Variants in KANK1 observed in about 807,000 individuals in gnomAD.
KANK1 encodes the protein KN motif and ankyrin repeat domains 1.
KANK1 carries 109 observed loss-of-function variants against 106.2 expected under a neutral mutation model. That is an observed-to-expected ratio of 1.03 (90% CI 0.88 to 1.20). KANK1 has a LOEUF of 1.20. KANK1 is among the 50% of genes most tolerant of loss of function. KANK1 has a pLI of 0.00. For missense variants in KANK1, 2,399 were observed against 1,710.7 expected, an observed-to-expected ratio of 1.40 and a Z score of -7.10; for synonymous variants, 873 against 652.2, an observed-to-expected ratio of 1.34 and a Z score of -5.16.
chr9:473,013 G>A (rs2058047657), intron 2 of KANK1, among the ~76,000 whole-genome samples: 1 of 152,230 alleles, frequency 6.6e-6, no homozygotes, highest in Non-Finnish European at 1.5e-5. Context: ...TGACAAACGG[G>A]TATAGTCATG....
intron 7 of KANK1, 125 bp from the exon 8 acceptor site, chr9:738,160 T>G (rs1025432808): frequency 1.3e-5 from 10 of 763,804 alleles, no homozygotes; most frequent in Admixed American, 2.7e-5. Context: ...GCTGTTGGTT[T>G]TTGAGAGCAG....
chr9:739,465 T>G (rs1268205625), intron 8 of KANK1, among the ~76,000 whole-genome samples: 3 of 152,220 alleles, frequency 2.0e-5, no homozygotes, highest in African/African-American at 7.2e-5. Context: ...TTCCTTTCTC[T>G]TATAAGTGTG....
chr9:642,544 A>G lies in KANK1; in HGVS notation c.-83-34346A>G, dbSNP rs562837835. On this transcript the variant is annotated intron_variant, in intron 1 of 11. Coordinates refer to ENST00000382297, the MANE Select transcript of KANK1 (RefSeq NM_015158.5). ...ACTTTTGTAAATTTCCTGTAGAAAA[A>G]TTCTTGGTTCTTGGACACACTCAGC... Among the ~76,000 whole-genome samples the G allele has an allele frequency of 2.2e-4, 33 of 150,908 alleles. 1 individual carries two copies. The highest frequency in any genetic ancestry group is 3.7e-4 in the Non-Finnish European group (25 of 68,016).
chr9:517,767 C>G (rs2059353142), intron 1 of KANK1, among the ~76,000 whole-genome samples: 1 of 139,596 alleles, frequency 7.2e-6, no homozygotes, highest in South Asian at 2.2e-4. Flanking sequence ...GAGACAGAGT[C>G]TCGCTCTGTC....
chr9:695,842 CA>C (rs1821130417), intron 2 of KANK1, among the ~76,000 whole-genome samples: 1 of 152,174 alleles, frequency 6.6e-6, no homozygotes, highest in Non-Finnish European at 1.5e-5. Context: ...GATTCAAACC[CA>C]GGCAGTCTGG....
chr9:609,601 G>T (rs1449919125), intron 1 of KANK1, among the ~76,000 whole-genome samples: 2 of 152,120 alleles, frequency 1.3e-5, no homozygotes, highest in East Asian at 3.9e-4. Context: ...CTGTACTCCA[G>T]CCTGGGTGAC....
At chr9:532,312 G>T (rs1305596608) in intron 1 of KANK1, among the ~76,000 whole-genome samples, 2 of 144,938 alleles carry the variant, frequency 1.4e-5, no homozygotes, top group Admixed American at 7.0e-5. Flanking sequence ...CACCATCTCG[G>T]CTCACCGCAA....
At chr9:592,194 C>T (rs906632220) in intron 1 of KANK1, among the ~76,000 whole-genome samples, 1 of 151,800 alleles carries the variant, frequency 6.6e-6, no homozygotes, top group Non-Finnish European at 1.5e-5. Flanking sequence ...CAGCCAAATT[C>T]TCTTACCTGG....
chr9:504,202 C>T (rs1010159325), upstream of KANK1, among the ~76,000 whole-genome samples: 3 of 152,190 alleles, frequency 2.0e-5, no homozygotes, highest in African/African-American at 7.2e-5. Context: ...GATGGGAGCA[C>T]CGCACCGTCT....
intron 1 of KANK1, among the ~76,000 whole-genome samples, chr9:615,761 T>C (rs1011901417): frequency 6.6e-6 from 1 of 152,324 alleles, no homozygotes. Context: ...CTCTTTGACA[T>C]TTAAAGACAG....
At chr9:517,940 A>G (rs2059363593) in intron 1 of KANK1, among the ~76,000 whole-genome samples, 1 of 151,110 alleles carries the variant, frequency 6.6e-6, no homozygotes. Context: ...GTTTCACATT[A>G]TTGGCCGGGC....
intron 9 of KANK1, among the ~76,000 whole-genome samples, chr9:741,447 C>G (rs535113985): frequency 2.0e-5 from 3 of 150,346 alleles, no homozygotes; most frequent in Admixed American, 6.6e-5. Flanking sequence ...CTTAGCCTCC[C>G]GAGTAGCAGG....
chr9:527,559 G>A (rs142998255), intron 1 of KANK1, among the ~76,000 whole-genome samples: 71 of 151,644 alleles, frequency 4.7e-4, no homozygotes, highest in Non-Finnish European at 7.8e-4. Flanking sequence ...CCTCTGCCTC[G>A]CAGAGTGCTG....
At chr9:535,717 G>C (rs1265825064) in intron 1 of KANK1, among the ~76,000 whole-genome samples, 3 of 152,210 alleles carry the variant, frequency 2.0e-5, no homozygotes, top group Non-Finnish European at 4.4e-5. Flanking sequence ...ATGGGCTGTA[G>C]AATCATGGTA....
At chr9:530,537 G>A (rs1481978350) in intron 1 of KANK1, among the ~76,000 whole-genome samples, 1 of 152,026 alleles carries the variant, frequency 6.6e-6, no homozygotes, top group Non-Finnish European at 1.5e-5. Context: ...CTTGACTTCT[G>A]TTGTGTTGCT....
At chr9:745,044 C>A (rs906985737) in intron 11 of KANK1, 129 bp from the exon 12 acceptor site, 5 of 1,519,480 alleles carry the variant, frequency 3.3e-6, no homozygotes, top group African/African-American at 2.8e-5. Context: ...CTGTTCTCAG[C>A]CAGAGCTCTC....
intron 1 of KANK1, among the ~76,000 whole-genome samples, chr9:649,750 C>T (rs2031175): frequency 0.63 from 96,423 of 151,982 alleles, 33,422 homozygotes; most frequent in African/African-American, 0.9. Context: ...TAAGCTGGTA[C>T]TGATCTCGTT....
rs143668996 is a variant in KANK1 at position 740,875 on chromosome 9, G to A, written c.3637G>A (p.Asp1213Asn). ...AALAAVEAEK[D>N]MRIVEELFGC... Reference sequence around the variant, plus strand: ...CCTCGCCGCTGTGGAAGCAGAGAAGGACATGCGGATTGTGGAAGAACTCTT... The same window carrying A: ...CCTCGCCGCTGTGGAAGCAGAGAAGAACATGCGGATTGTGGAAGAACTCTT... The change falls in exon 9 of 12, where the codon GAC becomes AAC. Residue 1213 changes from aspartate (D) to asparagine (N), a missense_variant. Coordinates refer to ENST00000382297, the MANE Select transcript of KANK1 (RefSeq NM_015158.5). 7.4e-6 allele frequency: 12 copies of A among 1,614,182 alleles called. No individual in the cohort carries two copies. Among genetic ancestry groups the A allele is most frequent in the East Asian group, 2.2e-5 (1 of 44,884 alleles).
At chr9:682,257 A>G (rs1023687666) in intron 2 of KANK1, among the ~76,000 whole-genome samples, 1 of 151,816 alleles carries the variant, frequency 6.6e-6, no homozygotes, top group African/African-American at 2.4e-5. Context: ...TCCAGCCTCC[A>G]TGACAAAGTG....
Sources: allele counts gnomAD v4.1 joint callset (sites outside exome capture counted in the v4.1 genomes callset), GRCh38; gene constraint gnomAD v4.1.1; transcripts MANE v1.5; gene names NCBI Gene and HGNC (gene_info 2026-07-23, HGNC 2026-07-21).